BOD1L1: variants seen among roughly 807,000 people sequenced by gnomAD.
BOD1L1 encodes biorientation of chromosomes in cell division 1 like 1, also known as biorientation of chromosomes in cell division protein 1-like 1.
Under a neutral mutation model 240.7 loss-of-function variants are expected in BOD1L1, and 86 were observed. The ratio of observed to expected loss-of-function variants is 0.36; its 90% CI spans 0.30 to 0.43. The LOEUF is 0.43. Ranked by LOEUF, BOD1L1 falls within the 20% of genes least tolerant of loss-of-function variation. The probability of loss-of-function intolerance (pLI) is 1.00; values close to 1 mark genes in which losing one functional copy is unlikely to be tolerated. For missense variants in BOD1L1, 3,554 were observed against 3,643.5 expected, an observed-to-expected ratio of 0.98 and a Z score of 0.63; for synonymous variants, 1,268 against 1,272.3, an observed-to-expected ratio of 1.00 and a Z score of 0.07.
intron 12 of BOD1L1, among the ~76,000 whole-genome samples, chr4:13,595,222 T>C (rs778946508): frequency 1.3e-5 from 2 of 152,272 alleles, no homozygotes; most frequent in Non-Finnish European, 2.9e-5. Context: ...TAATTTCTTA[T>C]TTGGCAAATG....
At chr4:13,614,061 T>C in intron 4 of BOD1L1, 135 bp downstream of exon 4, 2 of 757,326 alleles carry the variant, frequency 2.6e-6, no homozygotes, top group South Asian at 2.5e-5. Flanking sequence ...TTGCTTTTTT[T>C]CTTAAGCAAA....
intron 9 of BOD1L1, among the ~76,000 whole-genome samples, chr4:13,606,337 C>G (rs527768780): frequency 3.9e-5 from 6 of 152,160 alleles, no homozygotes; most frequent in Non-Finnish European, 8.8e-5. Context: ...TCTAAATACG[C>G]CTTTAATTTC....
chr4:13,573,279 T>C (rs2108873948), intron 25 of BOD1L1, among the ~76,000 whole-genome samples: 1 of 152,138 alleles, frequency 6.6e-6, no homozygotes, highest in Non-Finnish European at 1.5e-5. Context: ...AAAAAGGAAC[T>C]TGTTTAGCTG....
chr4:13,627,416 C>A lies in BOD1L1; in HGVS notation c.172G>T (p.Val58Leu). Residue 58 changes from valine to leucine, a missense_variant, in exon 1 of 26, where the codon GTG becomes TTG. Physicochemically the swap from Val to Leu is conservative, Grantham distance 32. Coordinates refer to ENST00000040738, the MANE Select transcript of BOD1L1 (RefSeq NM_148894.3). ...AGCCCCTGGCTCTTGAGGTGGTTCA[C>A]GATCATGGCCACGAGCTGCGGGTCC... is the stretch of plus-strand genomic sequence containing the variant. ...AGDPQLVAMI[V>L]NHLKSQGLFD... The A allele has an allele frequency of 7.2e-7, 1 of 1,382,504 alleles. No homozygotes were observed. 85.6% of individuals were successfully genotyped at this position (1,382,504 alleles called of 1,614,324 possible). A position where few individuals can be genotyped will look rare whatever the true frequency, so the allele number is the denominator to read the frequency against.
chr4:13,578,462 T>C (rs1192709222), intron 22 of BOD1L1, among the ~76,000 whole-genome samples: 1 of 152,202 alleles, frequency 6.6e-6, no homozygotes, highest in Non-Finnish European at 1.5e-5. Context: ...AACTGGGAAA[T>C]GCAAATATTC....
rs138908673 is a variant in BOD1L1, at chr4:13,609,374, C to A, written c.1524G>T (p.Arg508Ser). ...AKEKEERLLRRQINREKLEEK... is the reference protein window; with the variant it reads ...AKEKEERLLRSQINREKLEEK... ...CTTCAAGTTTTTCTCTATTGATTTGCCTTCTTAAAAGCCTCTCTTCTTTTT... is the reference window on the plus strand; with the variant it reads ...CTTCAAGTTTTTCTCTATTGATTTGACTTCTTAAAAGCCTCTCTTCTTTTT... Residue 508 changes from arginine (R) to serine (S), a missense_variant, in exon 7 of 26, where the codon AGG becomes AGT. Arg to Ser is a moderately radical substitution (Grantham distance 110). Around this residue, in one of 2 missense-constraint regions of BOD1L1, gnomAD observed 3,393 missense variants for 3,427.1 expected, o/e 0.99. Coordinates refer to ENST00000040738, the MANE Select transcript of BOD1L1 (RefSeq NM_148894.3). The A allele has an allele frequency of 7.8e-5, 119 of 1,533,500 alleles. No homozygotes were observed. Among genetic ancestry groups the A allele is most frequent in the Non-Finnish European group, 1.0e-4 (114 of 1,142,314 alleles). 95.0% of individuals were successfully genotyped at this position (1,533,500 alleles called of 1,614,324 possible).
intron 6 of BOD1L1, 87 bp from the exon 7 acceptor site, chr4:13,609,493 C>A: frequency 1.2e-6 from 1 of 814,454 alleles, no homozygotes. Context: ...TTTAGTTTAC[C>A]CTTCAGATGT....
rs1712470398 is a variant in BOD1L1 at position 13,573,925 on chromosome 4, C to T, written c.9038+2913G>A. Among the ~76,000 whole-genome samples, 3 of 152,158 alleles carry T rather than the reference C, an allele frequency of 2.0e-5. No individual in the cohort carries two copies. In the South Asian group the frequency reaches 6.2e-4, roughly 32 times the overall value. On this transcript the variant is annotated intron_variant, in intron 25 of 25. Transcript: ENST00000040738. ...CTCCCAGCCTCAAGCAATCTTCCTGCCTCAGCCTCCTGAGTAGCTGGGATT... is the reference window on the plus strand; with the variant it reads ...CTCCCAGCCTCAAGCAATCTTCCTGTCTCAGCCTCCTGAGTAGCTGGGATT...
At position 13,599,104 on chromosome 4, in the gene BOD1L1, C is replaced by T. The variant is rs187778411; in HGVS notation, c.7796G>A (p.Cys2599Tyr). 190 of 1,614,018 alleles carry T rather than the reference C, an allele frequency of 1.2e-4. 1 individual carries two copies. The East Asian group carries it at 3.5e-3, about 30-fold the overall frequency. Reference protein sequence around the residue: ...TYSVALLAPKCEQDLTIKNDY... With the variant: ...TYSVALLAPKYEQDLTIKNDY... ...ATTCTTTATAGTCAAGTCCTGCTCA[C>T]ATTTAGGAGCCAACAGAGCTACACT... Residue 2599 changes from cysteine to tyrosine, a missense_variant, in exon 10 of 26, where the codon TGT (cysteine) becomes TAT (tyrosine). This residue lies in a region of BOD1L1 where 3,393 missense variants were observed against 3,427.1 expected (regional missense o/e 0.99). Coordinates refer to ENST00000040738, the MANE Select transcript of BOD1L1 (RefSeq NM_148894.3).
rs554530697 is a variant in BOD1L1 at position 13,580,188 on chromosome 4, T to C, written c.8704-215A>G. ...CCAATAAGTAACTTCCCTTTTGTGA[T>C]GCTACAGGATGAGAAGTGAGGCAAT... is the stretch of plus-strand genomic sequence containing the variant. On this transcript the variant is annotated intron_variant, in intron 21 of 25. Transcript: ENST00000040738. The C allele has an allele frequency of 9.3e-4, 506 of 545,378 alleles. 1 individual carries two copies. The highest frequency in any genetic ancestry group is 1.4e-3 in the Non-Finnish European group (435 of 308,334). The allele number at this position is 545,378 out of a possible 1,614,324, so 33.8% of individuals were successfully genotyped here.
chr4:13,620,938 C>G (rs533203932), intron 1 of BOD1L1, among the ~76,000 whole-genome samples: 2 of 152,234 alleles, frequency 1.3e-5, no homozygotes, highest in South Asian at 4.1e-4. Flanking sequence ...TTGGCAATGT[C>G]TGGAGACATT....
intron 25 of BOD1L1, among the ~76,000 whole-genome samples, chr4:13,576,516 T>G (rs1356718471): frequency 6.6e-6 from 1 of 151,956 alleles, no homozygotes; most frequent in Non-Finnish European, 1.5e-5. Context: ...TTTATGTATG[T>G]CCATATTCAT....
rs918647312 is a variant in BOD1L1 at position 13,614,673 on chromosome 4, C to T, written c.697G>A (p.Ala233Thr). 1 of 1,613,876 alleles carries T rather than the reference C, an allele frequency of 6.2e-7. No homozygotes were observed. Among genetic ancestry groups the T allele is most frequent in the Non-Finnish European group, 8.5e-7 (1 of 1,179,846 alleles). ...GGCTGAGATGGAAGTTTTTTTGACG[C>T]TCTCTCACTGGTCTTGGCATTTGAT... is the stretch of plus-strand genomic sequence containing the variant. ...ETSNAKTSER[A>T]SKKLPSQPTT... is the part of the protein sequence containing the mutation. The change falls in exon 4 of 26, where the codon GCG becomes ACG. Residue 233 changes from alanine to threonine, a missense_variant. Around this residue, in one of 2 missense-constraint regions of BOD1L1, gnomAD observed 3,393 missense variants for 3,427.1 expected, o/e 0.99. Coordinates refer to ENST00000040738, the MANE Select transcript of BOD1L1 (RefSeq NM_148894.3).
intron 25 of BOD1L1, chr4:13,572,769 G>A (rs922534495): frequency 5.4e-6 from 7 of 1,289,652 alleles, no homozygotes; most frequent in African/African-American, 3.0e-5. Context: ...AATTTTTGGC[G>A]ATTTCTAGGA....
chr4:13,577,192 G>T (rs1712823443), intron 24 of BOD1L1, among the ~76,000 whole-genome samples: 1 of 152,144 alleles, frequency 6.6e-6, no homozygotes, highest in African/African-American at 2.4e-5. Context: ...TACATATGCA[G>T]TTCACAGCCA....
Position 13,573,458 on chromosome 4 carries a change from ATCTATCTATCTATCTT to A in BOD1L1, c.9039-3346_9039-3331del, listed in dbSNP as rs1445996164. ...TGTCTGTCTGTCTATCTATCTATCT[ATCTATCTATCTATCTT>A]TCTTTCTTTCTTTCTTTCTTTTGAG... On this transcript the variant is annotated intron_variant, in intron 25 of 25. Coordinates refer to ENST00000040738, the MANE Select transcript of BOD1L1 (RefSeq NM_148894.3). Among the ~76,000 whole-genome samples the A allele has an allele frequency of 1.5e-3, 177 of 120,574 alleles. 1 individual carries two copies. The highest frequency in any genetic ancestry group is 3.9e-3 in the South Asian group (12 of 3,074). The allele number at this position is 120,574 out of a possible 152,430, so 79.1% of individuals were successfully genotyped here. A position where few individuals can be genotyped will look rare whatever the true frequency, so the allele number is the denominator to read the frequency against.
intron 12 of BOD1L1, 142 bp from the exon 13 acceptor site, chr4:13,592,108 G>A: frequency 1.7e-6 from 1 of 590,488 alleles, no homozygotes; most frequent in Non-Finnish European, 3.0e-6. Context: ...ATAAAAATCT[G>A]ACCAGTTATT....
intron 5 of BOD1L1, among the ~76,000 whole-genome samples, chr4:13,611,785 GT>G (rs1560213131): frequency 6.6e-6 from 1 of 152,236 alleles, no homozygotes; most frequent in East Asian, 1.9e-4. Context: ...GGAAGTTGTA[GT>G]TTAAAATAAA....
At position 13,608,530 on chromosome 4, in the gene BOD1L1, C is replaced by G. The variant is rs1355319014; in HGVS notation, c.1742G>C (p.Arg581Thr). ...ALSKKRKKDS[R>T]NVEENSKKKQ... ...AAACATGACCAGATAAAATATGTAC[C>G]TTGAATCTTTTTTTCTCTTTTTGCT... The change falls in exon 8 of 26, where the codon AGG (arginine) becomes ACG (threonine). Residue 581 changes from arginine to threonine, a missense_variant and splice_region_variant. Transcript: ENST00000040738. 2 of 1,534,564 alleles carry G rather than the reference C, an allele frequency of 1.3e-6. No individual in the cohort carries two copies. Among genetic ancestry groups the G allele is most frequent in the African/African-American group, 2.8e-5 (2 of 71,196 alleles).
Sources: gnomAD v4.1 joint callset for allele counts (sites outside exome capture counted in the v4.1 genomes callset) on GRCh38, gnomAD v4.1.1 for gene constraint, gnomAD v4.1.1 regional missense constraint, MANE v1.5 for transcripts, NCBI Gene and HGNC (gene_info 2026-07-23, HGNC 2026-07-21) for gene names.